The following LHPP variants were observed in gnomAD, a reference collection of about 807,000 sequenced individuals.
The protein encoded by LHPP is phospholysine phosphohistidine inorganic pyrophosphate phosphatase.
LHPP carries 24 observed loss-of-function variants against 30.3 expected under a neutral mutation model. The observed-to-expected ratio is 0.79, with a 90% confidence interval of 0.57 to 1.11. LHPP has a LOEUF of 1.11. Among genes scored for constraint, LHPP ranks in the 50% most tolerant of loss-of-function variants. The pLI, the probability that LHPP is intolerant of heterozygous loss-of-function variation, is 0.00. For missense variants in LHPP, 356 were observed against 367.2 expected (o/e 0.97, Z 0.25); for synonymous variants, 150 against 157.1 (o/e 0.95, Z 0.34).
rs570206579 is a variant in LHPP, at chr10:124,553,559, C to T, written c.716+36288C>T. Among the ~76,000 whole-genome samples the T allele has an allele frequency of 4.0e-5, 6 of 149,354 alleles. No individual in the cohort carries two copies. In the East Asian group the frequency reaches 1.0e-3, roughly 25 times the overall value. The stretch of plus-strand genomic sequence containing the variant: ...CTGCAAGCTCCGCCTCCCGGGTTCA[C>T]GCCATTCTCCTGCCTCAGCCTCCCG... On this transcript the variant is annotated intron_variant, in intron 6 of 6. Transcript: ENST00000368842.
rs1039059796 is a variant in LHPP, at chr10:124,521,441, G to A, written c.716+4170G>A. Among the ~76,000 whole-genome samples the A allele has an allele frequency of 2.6e-5, 4 of 152,236 alleles. No individual in the cohort carries two copies. In the South Asian group the frequency reaches 6.2e-4, roughly 24 times the overall value. On this transcript the variant is annotated intron_variant, in intron 6 of 6. Coordinates refer to ENST00000368842, the MANE Select transcript of LHPP (RefSeq NM_022126.4). The stretch of plus-strand genomic sequence containing the variant: ...TCCTCTGCAGCTGAGGCATGTCGTC[G>A]CAACCCTGTGCTGAGCCTCTCCTCT...
intron 6 of LHPP, among the ~76,000 whole-genome samples, chr10:124,547,221 C>T (rs1350380837): frequency 1.3e-5 from 2 of 152,152 alleles, no homozygotes; most frequent in African/African-American, 2.4e-5. Flanking sequence ...CACCTGTCCT[C>T]GGTGTGGAGT....
At position 124,481,617 on chromosome 10, in the gene LHPP, G is replaced by A. The variant is rs545694006; in HGVS notation, c.126-2522G>A. On this transcript the variant is annotated intron_variant, in intron 1 of 6. Coordinates refer to ENST00000368842, the MANE Select transcript of LHPP (RefSeq NM_022126.4). Reference sequence around the variant, plus strand: ...GCTGATCTCAAACTCCTGCCCTCAAGTGATCCACCCACCTCGACCTCCCAA... The same window carrying A: ...GCTGATCTCAAACTCCTGCCCTCAAATGATCCACCCACCTCGACCTCCCAA... Among the ~76,000 whole-genome samples, 7 of 152,006 alleles carry A rather than the reference G, an allele frequency of 4.6e-5. No homozygotes were observed. The East Asian group carries it at 1.4e-3, about 29-fold the overall frequency.
intron 6 of LHPP, among the ~76,000 whole-genome samples, chr10:124,573,762 AACAGTGTGCCCAGGTGAG>A (rs1332236754): frequency 2.6e-5 from 4 of 152,140 alleles, no homozygotes; most frequent in Admixed American, 2.6e-4. Flanking sequence ...CCCATCACTG[AACAGTGTGCCCAGGTGAG>A]ATCATGGACT....
At chr10:124,586,777 A>C (rs563713366) in intron 6 of LHPP, among the ~76,000 whole-genome samples, 36 of 152,094 alleles carry the variant, frequency 2.4e-4, no homozygotes, top group African/African-American at 8.0e-4. Flanking sequence ...TACGCAAAAA[A>C]ATTATGCAGT....
chr10:124,545,346 G>A (rs947423890), intron 6 of LHPP, among the ~76,000 whole-genome samples: 3 of 152,150 alleles, frequency 2.0e-5, no homozygotes, highest in African/African-American at 7.2e-5. Context: ...ATAGACTTCC[G>A]CCTGGTCCCT....
intron 6 of LHPP, among the ~76,000 whole-genome samples, chr10:124,545,257 C>T (rs571905622): frequency 6.6e-6 from 1 of 152,340 alleles, no homozygotes; most frequent in Admixed American, 6.5e-5. Flanking sequence ...GCATTCCTTT[C>T]CTCGTCTGGA....
At chr10:124,550,998 C>G (rs979265426) in intron 6 of LHPP, among the ~76,000 whole-genome samples, 6 of 152,194 alleles carry the variant, frequency 3.9e-5, no homozygotes, top group African/African-American at 1.4e-4. Context: ...CTAACCTTGC[C>G]GTCCTGGGCC....
intron 6 of LHPP, among the ~76,000 whole-genome samples, chr10:124,528,564 G>A (rs1954804312): frequency 6.6e-6 from 1 of 152,028 alleles, no homozygotes; most frequent in African/African-American, 2.4e-5. Flanking sequence ...TCGCCATGTT[G>A]GCCAGGCTGG....
rs397936645 is a variant in LHPP at position 124,563,313 on chromosome 10, C to CTTTCT, written c.716+46045_716+46046insCTTTT. On this transcript the variant is annotated intron_variant, in intron 6 of 6. Transcript: ENST00000368842. ...AGAAACAATCTCTCTCTCTCTTTTT[C>CTTTCT]TTTTTTTTTTTTTTTGCATAAAATC... is the stretch of plus-strand genomic sequence containing the variant. 5.8e-5 allele frequency among the ~76,000 whole-genome samples: 8 copies of CTTTCT among 138,992 alleles called. No homozygotes were observed. In the East Asian group the frequency reaches 1.3e-3, roughly 22 times the overall value. 91.2% of individuals were successfully genotyped at this position (138,992 alleles called of 152,430 possible).
chr10:124,598,448 G>A (rs1948978394), intron 6 of LHPP, among the ~76,000 whole-genome samples: 1 of 152,198 alleles, frequency 6.6e-6, no homozygotes, highest in East Asian at 1.9e-4. Context: ...TGGCCTGGCT[G>A]GGCGTGGCCT....
chr10:124,547,581 A>G (rs1231257163), intron 6 of LHPP, among the ~76,000 whole-genome samples: 1 of 152,130 alleles, frequency 6.6e-6, no homozygotes, highest in Non-Finnish European at 1.5e-5. Flanking sequence ...GGGGAGTGAA[A>G]GGCCCCTCCC....
At chr10:124,602,300 A>AC (rs933131498) in intron 6 of LHPP, among the ~76,000 whole-genome samples, 9 of 152,144 alleles carry the variant, frequency 5.9e-5, no homozygotes, top group Admixed American at 3.3e-4. Context: ...CATGGTGCGC[A>AC]CCCCATGGCG....
intron 6 of LHPP, among the ~76,000 whole-genome samples, chr10:124,534,954 G>A (rs902344206): frequency 6.6e-6 from 1 of 152,228 alleles, no homozygotes; most frequent in African/African-American, 2.4e-5. Flanking sequence ...ATTTCGCCAT[G>A]GGAAACATTC....
intron 4 of LHPP, among the ~76,000 whole-genome samples, chr10:124,497,268 TCCCCATC>T (rs1953749488): frequency 1.1e-5 from 1 of 89,104 alleles, no homozygotes; most frequent in Non-Finnish European, 2.3e-5. Context: ...CTCCCCATCC[TCCCCATC>T]CTCCCCATCC....
chr10:124,590,132 G>A lies in LHPP; in HGVS notation c.717-23132G>A, dbSNP rs893888952. Among the ~76,000 whole-genome samples the A allele has an allele frequency of 2.6e-5, 4 of 152,268 alleles. No homozygotes were observed. Among genetic ancestry groups the A allele is most frequent in the Admixed American group, 6.5e-5 (1 of 15,296 alleles). ...TGAACAGCTCATTCGATTCGTTCATGTGACGTCCTCCCTCTCCCAATCCCT... is the reference window on the plus strand; with the variant it reads ...TGAACAGCTCATTCGATTCGTTCATATGACGTCCTCCCTCTCCCAATCCCT... On this transcript the variant is annotated intron_variant, in intron 6 of 6. Transcript: ENST00000368842. This position sits in a 1 kb window ranked among gnomAD's most constrained non-coding sequence, Gnocchi z 4.3.
chr10:124,469,525 C>A (rs764699811), intron 1 of LHPP, among the ~76,000 whole-genome samples: 6 of 151,982 alleles, frequency 3.9e-5, no homozygotes, highest in Non-Finnish European at 8.8e-5. Context: ...GGGGCTTCCT[C>A]TTTTCAAAGT....
At chr10:124,480,718 T>C (rs1338478585) in intron 1 of LHPP, among the ~76,000 whole-genome samples, 2 of 152,206 alleles carry the variant, frequency 1.3e-5, no homozygotes, top group African/African-American at 4.8e-5. Flanking sequence ...AATTAACCAC[T>C]AAGTGTAATT....
At chr10:124,532,036 G>A (rs528231652) in intron 6 of LHPP, among the ~76,000 whole-genome samples, 3 of 152,276 alleles carry the variant, frequency 2.0e-5, no homozygotes, top group East Asian at 3.9e-4. Flanking sequence ...GTGGGTTATC[G>A]TCTGTTAACC....
Sources: allele counts gnomAD v4.1 joint callset (sites outside exome capture counted in the v4.1 genomes callset), GRCh38; gene constraint gnomAD v4.1.1; non-coding constraint Gnocchi (gnomAD v3.1); transcripts MANE v1.5; gene names NCBI Gene and HGNC (gene_info 2026-07-23, HGNC 2026-07-21).